Variants in WDR37 observed in about 807,000 individuals in gnomAD.
WDR37 encodes the protein WD repeat-containing protein 37.
WDR37 carries 19 observed loss-of-function variants against 62.9 expected under a neutral mutation model. The observed-to-expected ratio is 0.30, with a 90% CI of 0.21 to 0.44. The LOEUF is 0.44. Among genes scored for constraint, WDR37 ranks in the 20% least tolerant of loss-of-function variants. The pLI is 1.00. For missense variants in WDR37, 474 were observed against 657.6 expected, an observed-to-expected ratio of 0.72 and a Z score of 3.05; for synonymous variants, 250 against 260.9, an observed-to-expected ratio of 0.96 and a Z score of 0.40.
rs1373503722 is a variant in WDR37, at chr10:1,105,268, G to A, written c.1103+1G>A. On this transcript the variant is annotated splice_donor_variant, in intron 11 of 13. Transcript: ENST00000263150. LOFTEE classifies it high-confidence loss of function. The surrounding 1 kb of genome is among the most constrained non-coding windows in gnomAD (Gnocchi z 5.3). ...TGAATGTTTTCCAGGGACACACGGA[G>A]TGAGTTGCGGTAGTTTAGACATCTG... 2 of 1,613,616 alleles carry A rather than the reference G, an allele frequency of 1.2e-6. No homozygotes were observed. Among genetic ancestry groups the A allele is most frequent in the Non-Finnish European group, 8.5e-7 (1 of 1,179,792 alleles).
At chr10:1,089,095 T>C (rs962452482) in intron 7 of WDR37, among the ~76,000 whole-genome samples, 1 of 152,112 alleles carries the variant, frequency 6.6e-6, no homozygotes, top group Non-Finnish European at 1.5e-5. Flanking sequence ...CAAGGGTGTG[T>C]CTTCACAGGC....
intron 5 of WDR37, among the ~76,000 whole-genome samples, chr10:1,081,599 C>T (rs1463133337): frequency 6.6e-6 from 1 of 152,004 alleles, no homozygotes; most frequent in African/African-American, 2.4e-5. Context: ...GTATTTTCTA[C>T]TGTACTTTCC....
chr10:1,076,720 G>C (rs1388243886), intron 2 of WDR37, among the ~76,000 whole-genome samples: 1 of 148,850 alleles, frequency 6.7e-6, no homozygotes, highest in Non-Finnish European at 1.5e-5. Context: ...GAATAAAAAA[G>C]TTTATGCTAT....
chr10:1,120,927 C>T lies in WDR37; in HGVS notation c.1104-3291C>T, dbSNP rs141635260. Among the ~76,000 whole-genome samples the T allele has an allele frequency of 1.4e-4, 22 of 152,360 alleles. No individual in the cohort carries two copies. In the Middle Eastern group the frequency reaches 0.014, roughly 94 times the overall value. Reference sequence around the variant, plus strand: ...CGCGGCGTTTCCGCTGATGGAGACCCGCGGAGGGAGCGGAATGTTCCAGAC... The same window carrying T: ...CGCGGCGTTTCCGCTGATGGAGACCTGCGGAGGGAGCGGAATGTTCCAGAC... On this transcript the variant is annotated intron_variant, in intron 11 of 13. Transcript: ENST00000263150.
intron 1 of WDR37, among the ~76,000 whole-genome samples, chr10:1,069,667 C>T (rs1169217785): frequency 1.3e-5 from 2 of 151,740 alleles, no homozygotes; most frequent in Non-Finnish European, 2.9e-5. Flanking sequence ...GTTGGGGTAA[C>T]TAATGGGTAG....
In WDR37 at chr10:1,130,251, AC is replaced by A. The variant is rs1835923352; in HGVS notation, c.*908del. 6.6e-6 allele frequency: 1 copy of A among 152,668 alleles called. No homozygotes were observed. The highest frequency in any genetic ancestry group is 2.4e-5 in the African/African-American group (1 of 41,446). 9.5% of individuals were successfully genotyped at this position (152,668 alleles called of 1,614,324 possible). A position where few individuals can be genotyped will look rare whatever the true frequency, so the allele number is the denominator to read the frequency against. On this transcript the variant is annotated 3_prime_UTR_variant, in exon 14 of 14. Transcript: ENST00000263150. Reference sequence around the variant, plus strand: ...GTGGTGGTGTTTGAGAGCCAACAACACTACCTCAGAGACGGGTCTTTGGGAA... The same window carrying A: ...GTGGTGGTGTTTGAGAGCCAACAACATACCTCAGAGACGGGTCTTTGGGAA...
At chr10:1,127,912 G>A (rs1166860651) in intron 13 of WDR37, among the ~76,000 whole-genome samples, 1 of 152,242 alleles carries the variant, frequency 6.6e-6, no homozygotes, top group African/African-American at 2.4e-5. Context: ...GGAGGTGAAA[G>A]CCTGGCTGGC....
intron 9 of WDR37, among the ~76,000 whole-genome samples, chr10:1,101,330 C>CACTA (rs2131657337): frequency 6.6e-6 from 1 of 152,310 alleles, no homozygotes; most frequent in African/African-American, 2.4e-5. Context: ...CCTCCTGAGG[C>CACTA]GTCTTTCCAT....
chr10:1,114,111 C>T (rs1230044258), intron 11 of WDR37, among the ~76,000 whole-genome samples: 1 of 152,022 alleles, frequency 6.6e-6, no homozygotes. Flanking sequence ...CACCTGCCAC[C>T]ATGCCTGGCT....
intron 9 of WDR37, chr10:1,096,644 G>A (rs1034360992): frequency 1.5e-5 from 3 of 195,366 alleles, no homozygotes; most frequent in South Asian, 2.1e-4. Flanking sequence ...CCCGGTCTGC[G>A]GCCTTTTGTT....
intron 11 of WDR37, among the ~76,000 whole-genome samples, chr10:1,115,839 C>T (rs1232163699): frequency 6.6e-6 from 1 of 152,134 alleles, no homozygotes; most frequent in African/African-American, 2.4e-5. Flanking sequence ...ACAGCAGGGC[C>T]CTGTGGAAGG....
intron 13 of WDR37, among the ~76,000 whole-genome samples, chr10:1,128,707 A>C (rs1216390645): frequency 6.6e-6 from 1 of 152,220 alleles, no homozygotes; most frequent in Non-Finnish European, 1.5e-5. Flanking sequence ...AGAAGGACTC[A>C]TACAGTGCTT....
intron 11 of WDR37, among the ~76,000 whole-genome samples, chr10:1,114,288 C>T (rs536947411): frequency 6.6e-6 from 1 of 152,272 alleles, no homozygotes; most frequent in Non-Finnish European, 1.5e-5. Context: ...GCATCACATG[C>T]GGTAGAGAAA....
chr10:1,085,974 A>G (rs375890638), intron 6 of WDR37, among the ~76,000 whole-genome samples: 17 of 152,254 alleles, frequency 1.1e-4, no homozygotes, highest in African/African-American at 4.1e-4. Flanking sequence ...TAATAAAATA[A>G]TGAAACTGTG....
intron 2 of WDR37, among the ~76,000 whole-genome samples, chr10:1,073,479 T>C (rs1270210531): frequency 6.6e-6 from 1 of 152,236 alleles, no homozygotes; most frequent in Non-Finnish European, 1.5e-5. Flanking sequence ...ATGCATTGAA[T>C]AAATAAACCA....
In WDR37 at chr10:1,076,955, A is replaced by G. The variant is rs535684605; in HGVS notation, c.139-952A>G. Reference sequence around the variant, plus strand: ...GCGGAGCTTGCAGTGAGCCGAGACCACACCATTGCACTCCAGCCTGGGTGA... The same window carrying G: ...GCGGAGCTTGCAGTGAGCCGAGACCGCACCATTGCACTCCAGCCTGGGTGA... On this transcript the variant is annotated intron_variant, in intron 2 of 13. Transcript: ENST00000263150. Among the ~76,000 whole-genome samples the G allele has an allele frequency of 3.8e-4, 55 of 145,226 alleles. No homozygotes were observed. The South Asian group carries it at 9.8e-3, about 26-fold the overall frequency.
chr10:1,089,978 T>A (rs1834332831), intron 7 of WDR37, among the ~76,000 whole-genome samples: 1 of 152,134 alleles, frequency 6.6e-6, no homozygotes, highest in South Asian at 2.1e-4. Context: ...GGGATTTTTC[T>A]TTTTTTGAGA....
At chr10:1,080,319 C>G in intron 4 of WDR37, 93 bp from the exon 5 acceptor site, 1 of 1,532,336 alleles carries the variant, frequency 6.5e-7, no homozygotes, top group Non-Finnish European at 8.9e-7. Flanking sequence ...TTCTGGGCCC[C>G]CTTTCTTCCT....
At chr10:1,091,602 G>C (rs926162404) in intron 7 of WDR37, among the ~76,000 whole-genome samples, 27 of 152,170 alleles carry the variant, frequency 1.8e-4, no homozygotes, top group African/African-American at 6.5e-4. Flanking sequence ...TGGAAATAAG[G>C]GTTGGTGTCC....
Sources: gnomAD v4.1 joint callset for allele counts (sites outside exome capture counted in the v4.1 genomes callset) on GRCh38, gnomAD v4.1.1 for gene constraint, Gnocchi (gnomAD v3.1) non-coding constraint, MANE v1.5 for transcripts, NCBI Gene and HGNC (gene_info 2026-07-23, HGNC 2026-07-21) for gene names.